GNA14: variants seen among roughly 807,000 people sequenced by gnomAD.
GNA14 encodes guanine nucleotide-binding protein subunit alpha-14.
Under a neutral mutation model 42.0 loss-of-function variants are expected in GNA14, and 50 were observed. The ratio of observed to expected loss-of-function variants is 1.19; its 90% CI spans 0.95 to 1.51. GNA14 has a LOEUF of 1.51. Among genes scored for constraint, GNA14 ranks in the 40% most tolerant of loss-of-function variants. The pLI is 0.00. For synonymous variants in GNA14, 173 were observed against 163.1 expected (o/e 1.06, Z -0.46); for missense variants, 473 against 446.2 (o/e 1.06, Z -0.54).
chr9:77,572,292 A>T (rs779540578), intron 1 of GNA14, among the ~76,000 whole-genome samples: 4 of 152,236 alleles, frequency 2.6e-5, no homozygotes, highest in African/African-American at 7.2e-5. Flanking sequence ...GGGAAGAAGA[A>T]TTATAAAATG....
chr9:77,532,055 CAA>C (rs1837537013), intron 1 of GNA14, among the ~76,000 whole-genome samples: 2 of 152,066 alleles, frequency 1.3e-5, no homozygotes, highest in Admixed American at 1.3e-4. Flanking sequence ...GCTGAGAGAG[CAA>C]AGAGACTCAC....
chr9:77,600,283 C>T (rs1188314356), intron 1 of GNA14, among the ~76,000 whole-genome samples: 2 of 152,182 alleles, frequency 1.3e-5, no homozygotes, highest in African/African-American at 4.8e-5. Flanking sequence ...TTTCCCAAAC[C>T]AGCTATTTTT....
chr9:77,462,362 G>A (rs1237154071), intron 2 of GNA14, among the ~76,000 whole-genome samples: 1 of 152,126 alleles, frequency 6.6e-6, no homozygotes, highest in Non-Finnish European at 1.5e-5. Flanking sequence ...GCTCTTGCCT[G>A]GGAGGCTGAC....
chr9:77,498,981 A>G (rs966937070), intron 2 of GNA14, among the ~76,000 whole-genome samples: 2 of 152,242 alleles, frequency 1.3e-5, no homozygotes, highest in South Asian at 2.1e-4. Flanking sequence ...GAGGAATTAC[A>G]TGAGTGGAAT....
chr9:77,445,552 G>GAAAAA (rs762651584), intron 2 of GNA14, among the ~76,000 whole-genome samples: 182 of 55,198 alleles, frequency 3.3e-3, no homozygotes, highest in Non-Finnish European at 4.9e-3. Flanking sequence ...TCTCTAAGAA[G>GAAAAA]AAAAAAAAAA....
At chr9:77,541,315 T>C (rs151221040) in intron 1 of GNA14, among the ~76,000 whole-genome samples, 126 of 152,344 alleles carry the variant, frequency 8.3e-4, no homozygotes, top group African/African-American at 2.9e-3. Context: ...GGATATAGTA[T>C]CCTTGGGTGC....
At chr9:77,515,701 C>A (rs1041730259) in intron 2 of GNA14, among the ~76,000 whole-genome samples, 1 of 151,948 alleles carries the variant, frequency 6.6e-6, no homozygotes, top group Non-Finnish European at 1.5e-5. Flanking sequence ...CTGTGGCTCA[C>A]GTCAGTAATC....
At chr9:77,610,316 C>G (rs1487222614) in intron 1 of GNA14, among the ~76,000 whole-genome samples, 1 of 152,186 alleles carries the variant, frequency 6.6e-6, no homozygotes, top group Non-Finnish European at 1.5e-5. Flanking sequence ...TGTGTGCTTG[C>G]ACATTAACAA....
chr9:77,508,825 G>A (rs1837111992), intron 2 of GNA14, among the ~76,000 whole-genome samples: 1 of 152,190 alleles, frequency 6.6e-6, no homozygotes, highest in Non-Finnish European at 1.5e-5. Context: ...AAGGAGGGAT[G>A]CAGAAGTAGC....
chr9:77,522,315 C>T (rs914994385), intron 2 of GNA14, among the ~76,000 whole-genome samples: 2 of 152,132 alleles, frequency 1.3e-5, no homozygotes, highest in Non-Finnish European at 1.5e-5. Context: ...TGCCCCCATC[C>T]GCATCTCAGA....
intron 1 of GNA14, among the ~76,000 whole-genome samples, chr9:77,591,926 T>TG (rs1443360003): frequency 1.3e-5 from 2 of 151,020 alleles, no homozygotes; most frequent in Non-Finnish European, 3.0e-5. Context: ...TGGTTTTTTT[T>TG]TTTTTTGAGA....
At chr9:77,576,207 A>C (rs1203872502) in intron 1 of GNA14, among the ~76,000 whole-genome samples, 1 of 152,048 alleles carries the variant, frequency 6.6e-6, no homozygotes, top group Non-Finnish European at 1.5e-5. Context: ...ATGGTGAGGG[A>C]GGGTCAGGGA....
chr9:77,544,765 G>A (rs1298080160), intron 1 of GNA14, among the ~76,000 whole-genome samples: 1 of 151,114 alleles, frequency 6.6e-6, no homozygotes. Flanking sequence ...TTCTTAAAAA[G>A]GCAAATTGTA....
At chr9:77,518,323 TA>T (rs1282423511) in intron 2 of GNA14, among the ~76,000 whole-genome samples, 1 of 152,190 alleles carries the variant, frequency 6.6e-6, no homozygotes. Context: ...TTGGAGTAAT[TA>T]CTAACATTGT....
At chr9:77,645,414 A>G (rs1488946643) in intron 1 of GNA14, among the ~76,000 whole-genome samples, 1 of 152,220 alleles carries the variant, frequency 6.6e-6, no homozygotes, top group Non-Finnish European at 1.5e-5. Flanking sequence ...GACTTTACAG[A>G]TTGAAATAAA....
chr9:77,556,690 G>A (rs546676905), intron 1 of GNA14, among the ~76,000 whole-genome samples: 1 of 151,958 alleles, frequency 6.6e-6, no homozygotes. Flanking sequence ...TCAGAAGCTT[G>A]CTTGGAAATT....
intron 1 of GNA14, among the ~76,000 whole-genome samples, chr9:77,633,366 G>A (rs373723252): frequency 1.3e-5 from 2 of 152,078 alleles, no homozygotes; most frequent in African/African-American, 4.8e-5. Flanking sequence ...TAAGAAGGAT[G>A]AGTCTGGCCC....
At chr9:77,536,323 T>C (rs1837597871) in intron 1 of GNA14, among the ~76,000 whole-genome samples, 2 of 151,936 alleles carry the variant, frequency 1.3e-5, no homozygotes, top group Admixed American at 1.3e-4. Context: ...GAATTCAAAA[T>C]ATGTTGTATT....
At chr9:77,448,636 T>C (rs1416145902) in intron 2 of GNA14, among the ~76,000 whole-genome samples, 1 of 152,200 alleles carries the variant, frequency 6.6e-6, no homozygotes, top group East Asian at 1.9e-4. Flanking sequence ...TCGAATTAAA[T>C]GCATACAAGT....
Sources: gnomAD v4.1 joint callset for allele counts (sites outside exome capture counted in the v4.1 genomes callset) on GRCh38, gnomAD v4.1.1 for gene constraint, MANE v1.5 for transcripts, NCBI Gene and HGNC (gene_info 2026-07-23, HGNC 2026-07-21) for gene names.